Variants in GRIN2A observed in about 807,000 individuals in gnomAD.
GRIN2A encodes the protein glutamate receptor ionotropic, NMDA 2A.
Under a neutral mutation model 113.4 loss-of-function variants are expected in GRIN2A, and 22 were observed. The ratio of observed to expected loss-of-function variants is 0.19; its 90% CI spans 0.14 to 0.28. The LOEUF (loss-of-function observed/expected upper bound fraction) is 0.28, where lower values mean the gene tolerates loss of function less well. Ranked by LOEUF, GRIN2A falls within the 10% of genes least tolerant of loss-of-function variation. GRIN2A has a pLI of 1.00. For missense variants in GRIN2A, 1,502 were observed against 1,887.0 expected (o/e 0.80, Z 3.78); for synonymous variants, 827 against 738.4 (o/e 1.12, Z -1.94).
At chr16:9,966,518 C>T (rs149305201) in intron 2 of GRIN2A, among the ~76,000 whole-genome samples, 1 of 152,268 alleles carries the variant, frequency 6.6e-6, no homozygotes, top group East Asian at 1.9e-4. Flanking sequence ...TCCACTCTAT[C>T]ACTGATGGGC....
intron 4 of GRIN2A, among the ~76,000 whole-genome samples, chr16:9,853,164 C>T (rs565985067): frequency 1.3e-5 from 2 of 152,194 alleles, no homozygotes; most frequent in East Asian, 3.9e-4. Context: ...TGTGGAGGAG[C>T]AGAGAAGGAA....
chr16:10,091,352 T>C (rs1253940419), intron 2 of GRIN2A, among the ~76,000 whole-genome samples: 1 of 152,084 alleles, frequency 6.6e-6, no homozygotes, highest in Non-Finnish European at 1.5e-5. Context: ...ATCACATCTA[T>C]AACTTTGGAG....
chr16:9,815,312 A>G (rs944662318), intron 10 of GRIN2A, among the ~76,000 whole-genome samples: 1 of 152,024 alleles, frequency 6.6e-6, no homozygotes, highest in African/African-American at 2.4e-5. Flanking sequence ...TAGAATATAA[A>G]AAGGTAACCC....
intron 2 of GRIN2A, among the ~76,000 whole-genome samples, chr16:10,113,865 C>G (rs967432846): frequency 6.6e-6 from 1 of 152,064 alleles, no homozygotes. Flanking sequence ...ATTTAAAAGA[C>G]TATTTCATGA....
chr16:10,026,587 T>C (rs2046827230), intron 2 of GRIN2A, among the ~76,000 whole-genome samples: 1 of 138,634 alleles, frequency 7.2e-6, no homozygotes, highest in African/African-American at 3.0e-5. Context: ...TAACTCTCCC[T>C]TTCTGTCAAC....
At chr16:9,863,787 G>T (rs571851982) in intron 4 of GRIN2A, among the ~76,000 whole-genome samples, 2 of 152,246 alleles carry the variant, frequency 1.3e-5, no homozygotes, top group Admixed American at 6.5e-5. Flanking sequence ...TTGAGATATT[G>T]TTGGCCAACA....
intron 2 of GRIN2A, among the ~76,000 whole-genome samples, chr16:10,140,657 A>C (rs1292884259): frequency 2.0e-5 from 3 of 152,204 alleles, no homozygotes; most frequent in Non-Finnish European, 4.4e-5. Context: ...CAGGATATGC[A>C]CATGACCAGC....
intron 3 of GRIN2A, among the ~76,000 whole-genome samples, chr16:9,908,005 G>C (rs1259157301): frequency 6.6e-6 from 1 of 152,170 alleles, no homozygotes; most frequent in East Asian, 1.9e-4. Flanking sequence ...ATTTTCATCT[G>C]GCCGGAGCTG....
chr16:9,968,040 C>T (rs186792341), intron 2 of GRIN2A, among the ~76,000 whole-genome samples: 188 of 152,254 alleles, frequency 1.2e-3, no homozygotes, highest in African/African-American at 4.0e-3. Flanking sequence ...TATTATCTCA[C>T]GTAAACCTCC....
At chr16:10,028,314 G>T (rs960802076) in intron 2 of GRIN2A, among the ~76,000 whole-genome samples, 1 of 152,164 alleles carries the variant, frequency 6.6e-6, no homozygotes, top group Admixed American at 6.5e-5. Flanking sequence ...GGCATAGTAG[G>T]GAAAGAGCAT....
intron 12 of GRIN2A, among the ~76,000 whole-genome samples, chr16:9,765,316 A>G (rs771441425): frequency 6.6e-6 from 1 of 152,220 alleles, no homozygotes; most frequent in Non-Finnish European, 1.5e-5. Flanking sequence ...AGCTTTCATT[A>G]AAGTTTCCCA....
chr16:9,759,905 C>A lies in GRIN2A; in HGVS notation c.*3244G>T, dbSNP rs555608222. Reference sequence around the variant, plus strand: ...AAAGGTTTCTCAAGTACAGTTTATGCTCTAGAAGACTCTCTTACCCAGAGT... The same window carrying A: ...AAAGGTTTCTCAAGTACAGTTTATGATCTAGAAGACTCTCTTACCCAGAGT... On this transcript the variant is annotated 3_prime_UTR_variant, in exon 13 of 13. Transcript: ENST00000330684. The A allele has an allele frequency of 1.0e-4, 23 of 230,520 alleles. No individual in the cohort carries two copies. The highest frequency in any genetic ancestry group is 4.9e-4 in the African/African-American group (22 of 45,238). The allele number at this position is 230,520 out of a possible 1,614,324, so 14.3% of individuals were successfully genotyped here. A position where few individuals can be genotyped will look rare whatever the true frequency, so the allele number is the denominator to read the frequency against.
chr16:9,813,999 A>G (rs2042139840), intron 10 of GRIN2A, among the ~76,000 whole-genome samples: 1 of 152,138 alleles, frequency 6.6e-6, no homozygotes, highest in Non-Finnish European at 1.5e-5. Context: ...GGCATCTTTG[A>G]AAAAATTTGC....
chr16:9,776,975 C>T (rs1345925132), intron 11 of GRIN2A, among the ~76,000 whole-genome samples: 1 of 152,022 alleles, frequency 6.6e-6, no homozygotes, highest in East Asian at 1.9e-4. Flanking sequence ...CTCTCCTTGC[C>T]CAGTTGTCCT....
chr16:9,885,749 G>C (rs1225088907), intron 4 of GRIN2A, among the ~76,000 whole-genome samples: 3 of 152,148 alleles, frequency 2.0e-5, no homozygotes, highest in Non-Finnish European at 4.4e-5. Flanking sequence ...AGGGTAACAC[G>C]ACTGGTATTT....
At position 10,077,665 on chromosome 16, in the gene GRIN2A, C is replaced by T. The variant is rs544545065; in HGVS notation, c.414+102333G>A. On this transcript the variant is annotated intron_variant, in intron 2 of 12. Coordinates refer to ENST00000330684, the MANE Select transcript of GRIN2A (RefSeq NM_001134407.3). ...ACAAGGCCCTTTAGAGTTTGGCCTCCGGTTACCTTTCTGCCCTCATCTCCT... is the reference window on the plus strand; with the variant it reads ...ACAAGGCCCTTTAGAGTTTGGCCTCTGGTTACCTTTCTGCCCTCATCTCCT... 5.9e-5 allele frequency among the ~76,000 whole-genome samples: 9 copies of T among 152,280 alleles called. No individual in the cohort carries two copies. In the South Asian group the frequency reaches 1.0e-3, roughly 18 times the overall value.
chr16:9,998,542 A>G (rs2046266287), intron 2 of GRIN2A, among the ~76,000 whole-genome samples: 1 of 152,216 alleles, frequency 6.6e-6, no homozygotes, highest in Non-Finnish European at 1.5e-5. Flanking sequence ...TTAAAATAGT[A>G]AACTCTATGT....
chr16:10,088,956 G>GC (rs2048134370), intron 2 of GRIN2A, among the ~76,000 whole-genome samples: 1 of 152,126 alleles, frequency 6.6e-6, no homozygotes, highest in East Asian at 1.9e-4. Context: ...CCTTCTCTAT[G>GC]CCCCATTACA....
intron 10 of GRIN2A, chr16:9,805,412 GA>G: frequency 6.6e-6 from 1 of 152,206 alleles, no homozygotes; most frequent in Non-Finnish European, 1.5e-5. Flanking sequence ...ATGTGCACAT[GA>G]GTGTGTGTGT....
Sources: gnomAD v4.1 joint callset for allele counts (sites outside exome capture counted in the v4.1 genomes callset) on GRCh38, gnomAD v4.1.1 for gene constraint, MANE v1.5 for transcripts, NCBI Gene and HGNC (gene_info 2026-07-23, HGNC 2026-07-21) for gene names.